The following AP3B1 variants were observed in gnomAD, a reference collection of about 807,000 sequenced individuals.
The protein encoded by AP3B1 is adaptor related protein complex 3 subunit beta 1.
Under a neutral mutation model 132.5 loss-of-function variants are expected in AP3B1, and 61 were observed. The observed-to-expected ratio is 0.46, with a 90% CI of 0.37 to 0.57. AP3B1 has a LOEUF of 0.57. Among genes scored for constraint, AP3B1 ranks in the 20% least tolerant of loss-of-function variants. The probability of loss-of-function intolerance (pLI) is 0.00; values close to 1 mark genes in which losing one functional copy is unlikely to be tolerated. For synonymous variants in AP3B1, 388 were observed against 438.3 expected (o/e 0.89, Z 1.43); for missense variants, 1,120 against 1,289.4 (o/e 0.87, Z 2.01).
intron 11 of AP3B1, among the ~76,000 whole-genome samples, chr5:78,173,769 G>A (rs1744025886): frequency 6.6e-6 from 1 of 152,070 alleles, no homozygotes; most frequent in South Asian, 2.1e-4. Context: ...ATGATATCCT[G>A]CAGAGTGTTT....
intron 17 of AP3B1, among the ~76,000 whole-genome samples, chr5:78,127,780 G>A (rs184621060): frequency 4.6e-5 from 7 of 152,278 alleles, no homozygotes; most frequent in Admixed American, 3.3e-4. Context: ...TAGCACAAAT[G>A]TGGGTGGCAC....
In AP3B1 at chr5:78,002,930, T is replaced by C; in HGVS notation, c.3257A>G (p.Glu1086Gly). The part of the protein sequence containing the change: ...KTVIGSVLLR[E>G]LKPVLSQG ...CCCCTGAGACAGGACAGGCTTCAGT[T>C]CCCGCAGCAGAACAGAGCCAATCAC... The change falls in exon 27 of 27, where the codon GAA (glutamate) becomes GGA (glycine). Residue 1086 changes from glutamate to glycine, a missense_variant. By Grantham distance (98) the Glu-to-Gly change is moderately conservative. Transcript: ENST00000255194. 1 of 1,614,118 alleles carries C rather than the reference T, an allele frequency of 6.2e-7. No individual in the cohort carries two copies. Among genetic ancestry groups the C allele is most frequent in the African/African-American group, 1.3e-5 (1 of 75,014 alleles).
At chr5:78,143,593 C>T (rs889142010) in intron 14 of AP3B1, among the ~76,000 whole-genome samples, 1 of 152,084 alleles carries the variant, frequency 6.6e-6, no homozygotes, top group African/African-American at 2.4e-5. Context: ...TTTTTGGATT[C>T]CAGCTTTCCC....
intron 1 of AP3B1, among the ~76,000 whole-genome samples, chr5:78,285,035 C>A (rs967496138): frequency 2.0e-5 from 3 of 152,132 alleles, no homozygotes; most frequent in Non-Finnish European, 4.4e-5. Context: ...ATCATGAGGT[C>A]AGGAGATGGA....
At chr5:78,058,797 T>C (rs1347644875) in intron 22 of AP3B1, among the ~76,000 whole-genome samples, 3 of 152,324 alleles carry the variant, frequency 2.0e-5, no homozygotes, top group South Asian at 2.1e-4. Context: ...ATCAACATCA[T>C]GACCAGAGAA....
chr5:78,271,605 G>A (rs1052418801), intron 1 of AP3B1, among the ~76,000 whole-genome samples: 7 of 152,008 alleles, frequency 4.6e-5, no homozygotes, highest in East Asian at 1.9e-4. Flanking sequence ...AACAAACAAC[G>A]TCTTAATTTA....
At chr5:78,163,026 T>C (rs1374906128) in intron 12 of AP3B1, 75 bp from the exon 13 acceptor site, 6 of 1,393,858 alleles carry the variant, frequency 4.3e-6, no homozygotes, top group Non-Finnish European at 4.1e-6. Context: ...TATTAAACTT[T>C]GTCAATATAT....
In AP3B1 at chr5:78,002,706, G is replaced by A; in HGVS notation, c.*196C>T. The A allele has an allele frequency of 1.5e-6, 1 of 671,120 alleles. No homozygotes were observed. Among genetic ancestry groups the A allele is most frequent in the South Asian group, 1.8e-5 (1 of 55,048 alleles). The allele number at this position is 671,120 out of a possible 1,614,324, so 41.6% of individuals were successfully genotyped here. A position where few individuals can be genotyped will look rare whatever the true frequency, so the allele number is the denominator to read the frequency against. On this transcript the variant is annotated 3_prime_UTR_variant, in exon 27 of 27. Coordinates refer to ENST00000255194, the MANE Select transcript of AP3B1 (RefSeq NM_003664.5). ...CAGTAAAATATATGCTCTTTGGTTA[G>A]CAAAGCAAAAAGGGGGAAAGTATTG...
intron 22 of AP3B1, among the ~76,000 whole-genome samples, chr5:78,059,376 C>T (rs923281225): frequency 2.6e-5 from 4 of 152,220 alleles, no homozygotes; most frequent in African/African-American, 9.7e-5. Flanking sequence ...TTTTAAGCCA[C>T]TAAGTTTGTG....
chr5:78,009,566 A>T (rs1207662122), intron 26 of AP3B1, among the ~76,000 whole-genome samples: 1 of 152,180 alleles, frequency 6.6e-6, no homozygotes, highest in African/African-American at 2.4e-5. Flanking sequence ...TGTGTTGATA[A>T]ATTAAAAAGT....
chr5:78,165,927 G>A (rs1186701968), intron 11 of AP3B1, among the ~76,000 whole-genome samples: 1 of 152,002 alleles, frequency 6.6e-6, no homozygotes, highest in Non-Finnish European at 1.5e-5. Flanking sequence ...AATTAGCCGG[G>A]CATGGTGGTG....
At chr5:78,041,490 T>C (rs1409884456) in intron 22 of AP3B1, among the ~76,000 whole-genome samples, 2 of 151,612 alleles carry the variant, frequency 1.3e-5, no homozygotes, top group African/African-American at 4.8e-5. Context: ...GCTCAGGAAG[T>C]TGAGGCTGCA....
At chr5:78,266,912 T>A (rs1748346105) in intron 2 of AP3B1, among the ~76,000 whole-genome samples, 1 of 152,094 alleles carries the variant, frequency 6.6e-6, no homozygotes, top group South Asian at 2.1e-4. Flanking sequence ...AAATAAAAAA[T>A]TAAAATTAAA....
intron 1 of AP3B1, among the ~76,000 whole-genome samples, chr5:78,269,684 G>C (rs184291316): frequency 7.7e-4 from 117 of 152,216 alleles, no homozygotes; most frequent in Non-Finnish European, 2.2e-4. Flanking sequence ...GCTACTTAAA[G>C]TATGATCTGA....
intron 22 of AP3B1, among the ~76,000 whole-genome samples, chr5:78,051,723 T>C (rs898355585): frequency 5.3e-5 from 8 of 152,212 alleles, no homozygotes; most frequent in African/African-American, 1.9e-4. Context: ...AAATCTGCAG[T>C]ATATAAAATG....
intron 22 of AP3B1, among the ~76,000 whole-genome samples, chr5:78,067,953 GAA>G (rs113086510): frequency 7.1e-6 from 1 of 141,664 alleles, no homozygotes; most frequent in South Asian, 2.2e-4. Flanking sequence ...AAAACCCTTC[GAA>G]AAAAAAAAAA....
chr5:78,157,987 G>A (rs1164990001), intron 13 of AP3B1, among the ~76,000 whole-genome samples: 1 of 152,146 alleles, frequency 6.6e-6, no homozygotes, highest in African/African-American at 2.4e-5. Flanking sequence ...CTAACCTCAT[G>A]ATCCACCCGC....
chr5:78,168,962 A>G (rs140174089), intron 11 of AP3B1, among the ~76,000 whole-genome samples: 1 of 152,230 alleles, frequency 6.6e-6, no homozygotes, highest in African/African-American at 2.4e-5. Context: ...TTTAGATTTT[A>G]TTATTAAACT....
chr5:78,261,485 GAC>G (rs1748089300), intron 2 of AP3B1, among the ~76,000 whole-genome samples: 1 of 152,062 alleles, frequency 6.6e-6, no homozygotes, highest in South Asian at 2.1e-4. Flanking sequence ...TTGTTTTTGA[GAC>G]AGAGTTTCAC....
Sources: allele counts gnomAD v4.1 joint callset (sites outside exome capture counted in the v4.1 genomes callset), GRCh38; gene constraint gnomAD v4.1.1; transcripts MANE v1.5; gene names NCBI Gene and HGNC (gene_info 2026-07-23, HGNC 2026-07-21).